Variants in NR3C2 observed in about 807,000 individuals in gnomAD.
The protein encoded by NR3C2 is mineralocorticoid receptor.
In NR3C2, 15 loss-of-function variants were observed where a neutral mutation model predicts 86.4. The observed-to-expected ratio is 0.17, with a 90% CI of 0.12 to 0.27. The LOEUF is 0.27. Among genes scored for constraint, NR3C2 ranks in the 10% least tolerant of loss-of-function variants. The pLI, the probability that NR3C2 is intolerant of heterozygous loss-of-function variation, is 1.00. For missense variants in NR3C2, 960 were observed against 1,195.6 expected (o/e 0.80, Z 2.91); for synonymous variants, 458 against 450.5 (o/e 1.02, Z -0.21).
chr4:148,444,495 G>A (rs1750497529), upstream of NR3C2: 2 of 985,746 alleles, frequency 2.0e-6, no homozygotes, highest in South Asian at 9.4e-5. Context: ...TCTCGCCGCT[G>A]TCAGCGCAAA....
Position 148,220,960 on chromosome 4 carries a change from T to TGAGGCCCTTGCCATCACATGCTAAGAG in NR3C2, c.1898-26125_1898-26099dup, listed in dbSNP as rs541801224. Among the ~76,000 whole-genome samples, 1,128 of 152,322 alleles carry TGAGGCCCTTGCCATCACATGCTAAGAG rather than the reference T, an allele frequency of 7.4e-3. 16 individuals carry two copies. The highest frequency in any genetic ancestry group is 0.026 in the African/African-American group (1,095 of 41,548). ...ACTCAACCAACATTTCTGAAGGCTTTGAGGCCCTTGCCATCACATGCTAAG... is the reference window on the plus strand; with the variant it reads ...ACTCAACCAACATTTCTGAAGGCTTTGAGGCCCTTGCCATCACATGCTAAGAGGAGGCCCTTGCCATCACATGCTAAG... On this transcript the variant is annotated intron_variant, in intron 3 of 8. Transcript: ENST00000358102.
At chr4:148,254,856 T>C (rs967966374) in intron 3 of NR3C2, among the ~76,000 whole-genome samples, 2 of 152,200 alleles carry the variant, frequency 1.3e-5, no homozygotes, top group Non-Finnish European at 2.9e-5. Flanking sequence ...ACATGATTCA[T>C]GGAAACACCA....
intron 2 of NR3C2, among the ~76,000 whole-genome samples, chr4:148,432,222 G>T (rs1459038334): frequency 6.6e-6 from 1 of 152,040 alleles, no homozygotes; most frequent in Non-Finnish European, 1.5e-5. Context: ...TCATTGCTAC[G>T]TGTGGTGCTA....
At chr4:148,297,482 G>A (rs1034768923) in intron 2 of NR3C2, among the ~76,000 whole-genome samples, 5 of 151,804 alleles carry the variant, frequency 3.3e-5, no homozygotes, top group African/African-American at 1.2e-4. Flanking sequence ...CACACAGGCT[G>A]GGCATGGTGG....
chr4:148,128,398 C>T (rs1321719049), intron 6 of NR3C2, among the ~76,000 whole-genome samples: 4 of 152,288 alleles, frequency 2.6e-5, no homozygotes, highest in Admixed American at 1.3e-4. Context: ...TAAATGTAAT[C>T]GTAGAATCAT....
chr4:148,156,958 T>C (rs993985214), intron 4 of NR3C2, among the ~76,000 whole-genome samples: 3 of 151,898 alleles, frequency 2.0e-5, no homozygotes, highest in African/African-American at 7.3e-5. Context: ...ATATACACCA[T>C]GGAATACTAT....
intron 4 of NR3C2, among the ~76,000 whole-genome samples, chr4:148,191,345 A>T (rs1427724898): frequency 6.6e-6 from 1 of 152,222 alleles, no homozygotes; most frequent in African/African-American, 2.4e-5. Flanking sequence ...TTCTGCTGAG[A>T]AATCTGCTGT....
chr4:148,365,043 A>T (rs2884444), intron 2 of NR3C2, among the ~76,000 whole-genome samples: 31,327 of 152,028 alleles, frequency 0.21, 3,392 homozygotes, highest in Non-Finnish European at 0.24. Flanking sequence ...CATGTGGACA[A>T]TCTGTGGTTG....
At chr4:148,150,756 A>T (rs999196230) in intron 6 of NR3C2, among the ~76,000 whole-genome samples, 1 of 152,222 alleles carries the variant, frequency 6.6e-6, no homozygotes, top group Non-Finnish European at 1.5e-5. Context: ...AAATGCAGTC[A>T]GTAAGCAAAT....
chr4:148,325,728 G>A (rs144272111), intron 2 of NR3C2, among the ~76,000 whole-genome samples: 2 of 152,312 alleles, frequency 1.3e-5, no homozygotes, highest in East Asian at 1.9e-4. Flanking sequence ...CAAATGGTAA[G>A]TTTTTCCCCA....
In NR3C2 at chr4:148,078,888, A is replaced by G. The variant is rs531569876; in HGVS notation, c.*2456T>C. The G allele has an allele frequency of 6.5e-6, 1 of 152,770 alleles. No individual in the cohort carries two copies. The highest frequency in any genetic ancestry group is 1.9e-4 in the East Asian group (1 of 5,190). The allele number at this position is 152,770 out of a possible 1,614,324, so 9.5% of individuals were successfully genotyped here. A position where few individuals can be genotyped will look rare whatever the true frequency, so the allele number is the denominator to read the frequency against. On this transcript the variant is annotated 3_prime_UTR_variant, in exon 9 of 9. Transcript: ENST00000358102. ...TTTAGTGTTTCTTTAAATTATATGA[A>G]CTTTTGGTGAATTATGAACTGTACC...
intron 3 of NR3C2, among the ~76,000 whole-genome samples, chr4:148,224,082 G>A (rs574629333): frequency 7.3e-4 from 111 of 151,222 alleles, no homozygotes; most frequent in African/African-American, 2.6e-3. Flanking sequence ...AGAGAGTCAA[G>A]AATCTCAAGT....
chr4:148,217,378 T>C (rs115304823), intron 3 of NR3C2, among the ~76,000 whole-genome samples: 436 of 152,282 alleles, frequency 2.9e-3, no homozygotes, highest in African/African-American at 9.9e-3. Flanking sequence ...ATCTCTCATT[T>C]CCCACAGATC....
At chr4:148,255,037 A>G (rs942925371) in intron 3 of NR3C2, among the ~76,000 whole-genome samples, 6 of 149,408 alleles carry the variant, frequency 4.0e-5, no homozygotes, top group Admixed American at 1.4e-4. Context: ...GTCCACTACA[A>G]TGAAGTTCTC....
At chr4:148,386,621 C>T (rs1032819561) in intron 2 of NR3C2, among the ~76,000 whole-genome samples, 4 of 152,142 alleles carry the variant, frequency 2.6e-5, no homozygotes, top group Admixed American at 6.5e-5. Flanking sequence ...AAGAATGAAG[C>T]GATTTGTTCA....
chr4:148,307,297 T>C (rs1054319608), intron 2 of NR3C2, among the ~76,000 whole-genome samples: 2 of 152,192 alleles, frequency 1.3e-5, no homozygotes, highest in African/African-American at 2.4e-5. Flanking sequence ...TAACTTACTA[T>C]AGCAGTTAAA....
chr4:148,435,421 A>G lies in NR3C2; in HGVS notation c.1440T>C (p.Phe480=). 1 of 1,614,132 alleles carries G rather than the reference A, an allele frequency of 6.2e-7. No homozygotes were observed. The change falls in exon 2 of 9, where the codon TTT becomes TTC. Residue 480 remains phenylalanine (F), a synonymous_variant. Transcript: ENST00000358102. ...ATCCGCTGCCTTCACAGTTACCATC[A>G]AAGCCGGGCACAGGTGGTCCTAAAA... ...SGILGPPVPG[F]DGNCEGSGFP...
chr4:148,289,243 T>C (rs1741681700), intron 2 of NR3C2, among the ~76,000 whole-genome samples: 1 of 146,462 alleles, frequency 6.8e-6, no homozygotes, highest in Non-Finnish European at 1.5e-5. Context: ...AAAGTCACAA[T>C]GTCTGAACTT....
chr4:148,283,461 A>G (rs944251256), intron 2 of NR3C2, among the ~76,000 whole-genome samples: 2 of 152,214 alleles, frequency 1.3e-5, no homozygotes, highest in Non-Finnish European at 2.9e-5. Flanking sequence ...GGTGACCCCA[A>G]TAACTCTCAG....
Sources: gnomAD v4.1 joint callset for allele counts (sites outside exome capture counted in the v4.1 genomes callset) on GRCh38, gnomAD v4.1.1 for gene constraint, MANE v1.5 for transcripts, NCBI Gene and HGNC (gene_info 2026-07-23, HGNC 2026-07-21) for gene names.